The following PITPNM2 variants were observed in gnomAD, a reference collection of about 807,000 sequenced individuals.
PITPNM2 encodes phosphatidylinositol transfer protein membrane associated 2.
A neutral mutation model predicts 132.2 loss-of-function variants in PITPNM2; 35 were observed. The observed-to-expected ratio is 0.26, with a 90% CI of 0.20 to 0.35. The LOEUF (loss-of-function observed/expected upper bound fraction) is 0.35. Among genes scored for constraint, PITPNM2 ranks in the 10% least tolerant of loss-of-function variants. PITPNM2 has a pLI of 1.00. For missense variants in PITPNM2, 1,332 were observed against 1,912.0 expected, an observed-to-expected ratio of 0.70 and a Z score of 5.66; for synonymous variants, 738 against 799.2, an observed-to-expected ratio of 0.92 and a Z score of 1.29.
At chr12:123,043,470 C>T (rs1029629376) in intron 2 of PITPNM2, among the ~76,000 whole-genome samples, 2 of 152,142 alleles carry the variant, frequency 1.3e-5, no homozygotes, top group South Asian at 4.1e-4. Flanking sequence ...AAGAGGGGGT[C>T]CCAGAGAGCT....
chr12:123,129,890 C>A (rs1450426076), intron 1 of PITPNM2, among the ~76,000 whole-genome samples: 4 of 151,318 alleles, frequency 2.6e-5, no homozygotes, highest in Non-Finnish European at 1.5e-5. Flanking sequence ...CAGGCTAGTA[C>A]TTGTGAATTT....
intron 1 of PITPNM2, among the ~76,000 whole-genome samples, chr12:123,136,421 A>AT (rs2137607883): frequency 6.6e-6 from 1 of 152,282 alleles, no homozygotes; most frequent in South Asian, 2.1e-4. Context: ...CTCAGTCTCA[A>AT]TCCCTGTGGC....
At chr12:123,093,513 C>T (rs982732940) in intron 2 of PITPNM2, among the ~76,000 whole-genome samples, 1 of 152,042 alleles carries the variant, frequency 6.6e-6, no homozygotes, top group Non-Finnish European at 1.5e-5. Context: ...TTGAAATAAT[C>T]ATCTGTAATC....
At position 122,987,364 on chromosome 12, in the gene PITPNM2, G is replaced by A; in HGVS notation, c.3330C>T (p.Phe1110=). Residue 1110 remains phenylalanine (F), a synonymous_variant, in exon 23 of 26, where the codon TTC becomes TTT. Coordinates refer to ENST00000320201, the MANE Select transcript of PITPNM2 (RefSeq NM_020845.3). ...TAGCGGCAAAGGAACCGTCGATGCTGAAGACCACGAACTCTGTGCCCTTGG... is the reference window on the plus strand; with the variant it reads ...TAGCGGCAAAGGAACCGTCGATGCTAAAGACCACGAACTCTGTGCCCTTGG... ...VLPKGTEFVV[F]SIDGSFAASV... 12 of 1,613,480 alleles carry A rather than the reference G, an allele frequency of 7.4e-6. No individual in the cohort carries two copies. The highest frequency in any genetic ancestry group is 1.0e-5 in the Non-Finnish European group (12 of 1,180,034).
chr12:123,012,546 G>A, intron 5 of PITPNM2, 67 bp downstream of exon 5: 1 of 1,580,260 alleles, frequency 6.3e-7, no homozygotes, highest in Non-Finnish European at 8.7e-7. Flanking sequence ...AAAGGGGCAG[G>A]ACAAGAGGGA....
chr12:123,095,667 A>G lies in PITPNM2; in HGVS notation c.-96+14718T>C, dbSNP rs1284603147. Among the ~76,000 whole-genome samples the G allele has an allele frequency of 3.9e-5, 6 of 152,188 alleles. No individual in the cohort carries two copies. In the South Asian group the frequency reaches 6.2e-4, roughly 16 times the overall value. ...CCTTAACTAGGGCACGAGGCCCCCA[A>G]CCTGGTCCTCCCTGCAGCTCAGCCC... On this transcript the variant is annotated intron_variant, in intron 2 of 25. Transcript: ENST00000320201. This position sits in a 1 kb window ranked among gnomAD's most constrained non-coding sequence, Gnocchi z 5.0.
Position 123,016,323 on chromosome 12 carries a change from CT to C in PITPNM2, c.79-2282del, listed in dbSNP as rs1192588654. On this transcript the variant is annotated intron_variant, in intron 3 of 25. Coordinates refer to ENST00000320201, the MANE Select transcript of PITPNM2 (RefSeq NM_020845.3). ...CCTGGGTGACAGAGCAAGATTCTGT[CT>C]TTTTTTTTTTGATATGAAATCTCGC... is the stretch of plus-strand genomic sequence containing the variant. 8.1e-4 allele frequency among the ~76,000 whole-genome samples: 114 copies of C among 141,550 alleles called. 1 individual carries two copies. The highest frequency in any genetic ancestry group is 4.8e-4 in the Non-Finnish European group (31 of 64,324). 92.9% of individuals were successfully genotyped at this position (141,550 alleles called of 152,430 possible).
intron 18 of PITPNM2, among the ~76,000 whole-genome samples, chr12:122,989,528 C>G (rs1476260646): frequency 6.6e-6 from 1 of 152,110 alleles, no homozygotes; most frequent in South Asian, 2.1e-4. Flanking sequence ...CCAGGCTTCC[C>G]TAGGTTCTGC....
At chr12:123,072,678 C>T (rs1327933726) in intron 2 of PITPNM2, among the ~76,000 whole-genome samples, 2 of 152,234 alleles carry the variant, frequency 1.3e-5, no homozygotes, top group East Asian at 1.9e-4. Context: ...CTGTCAACAG[C>T]TGCTCAAGGT....
chr12:122,986,062 G>A lies in PITPNM2; in HGVS notation c.4015C>T (p.Arg1339Cys), dbSNP rs993650230. 5 of 1,415,454 alleles carry A rather than the reference G, an allele frequency of 3.5e-6. No individual in the cohort carries two copies. The highest frequency in any genetic ancestry group is 5.9e-5 in the East Asian group (2 of 34,096). The allele number at this position is 1,415,454 out of a possible 1,614,324, so 87.7% of individuals were successfully genotyped here. A position where few individuals can be genotyped will look rare whatever the true frequency, so the allele number is the denominator to read the frequency against. The change falls in exon 26 of 26, where the codon CGC becomes TGC. Residue 1339 changes from arginine to cysteine, a missense_variant. Coordinates refer to ENST00000320201, the MANE Select transcript of PITPNM2 (RefSeq NM_020845.3). ...AGCWGRAMTG[R>C]LEPGAAAGPK ...CCCGCGGCTGCCCCCGGCTCCAGGCGGCCAGTCATGGCGCGGCCCCAGCAG... is the reference window on the plus strand; with the variant it reads ...CCCGCGGCTGCCCCCGGCTCCAGGCAGCCAGTCATGGCGCGGCCCCAGCAG...
At position 123,036,959 on chromosome 12, in the gene PITPNM2, G is replaced by A. The variant is rs1452217412; in HGVS notation, c.-95-2274C>T. ...AAAGACCATTGCTGACCTTCTTCAA[G>A]GTCAATGGGTCTAGCTAACAGCCCA... On this transcript the variant is annotated intron_variant, in intron 2 of 25. Transcript: ENST00000320201. This position sits in a 1 kb window ranked among gnomAD's most constrained non-coding sequence, Gnocchi z 4.1. Among the ~76,000 whole-genome samples the A allele has an allele frequency of 1.3e-5, 2 of 152,232 alleles. No homozygotes were observed. The highest frequency in any genetic ancestry group is 2.9e-5 in the Non-Finnish European group (2 of 68,048).
intron 2 of PITPNM2, among the ~76,000 whole-genome samples, chr12:123,071,593 T>C (rs2041622929): frequency 6.6e-6 from 1 of 152,160 alleles, no homozygotes; most frequent in Non-Finnish European, 1.5e-5. Context: ...TTTGGGAGCA[T>C]GAAAAGCAGC....
intron 2 of PITPNM2, 47 bp from the exon 3 acceptor site, chr12:123,034,732 C>G (rs1449073881): frequency 5.7e-6 from 4 of 700,376 alleles, no homozygotes; most frequent in Non-Finnish European, 1.0e-5. Flanking sequence ...TCTGCAAAGG[C>G]TGGTGAATAC....
At position 122,985,970 on chromosome 12, in the gene PITPNM2, C is replaced by A; in HGVS notation, c.*57G>T. On this transcript the variant is annotated 3_prime_UTR_variant, in exon 26 of 26. Transcript: ENST00000320201. ...CGTGTGCCCAGGCCAGGCCTCCTGG[C>A]GGGGCTGGCCACCCTGGCCTAGCAC... The A allele has an allele frequency of 7.5e-7, 1 of 1,340,772 alleles. No individual in the cohort carries two copies. Among genetic ancestry groups the A allele is most frequent in the Non-Finnish European group, 9.6e-7 (1 of 1,047,016 alleles). 83.1% of individuals were successfully genotyped at this position (1,340,772 alleles called of 1,614,324 possible). A position where few individuals can be genotyped will look rare whatever the true frequency, so the allele number is the denominator to read the frequency against.
intron 1 of PITPNM2, among the ~76,000 whole-genome samples, chr12:123,135,441 A>G (rs1016173613): frequency 6.6e-6 from 1 of 152,142 alleles, no homozygotes; most frequent in African/African-American, 2.4e-5. Flanking sequence ...TATAAGTACA[A>G]TGTTGTATAG....
rs980443870 is a variant in PITPNM2 at position 123,077,313 on chromosome 12, G to A, written c.-96+33072C>T. ...CACCCCTTGTTATCAGGGGTGGAGA[G>A]GGACAAAACATTTCCTCACTGAACT... On this transcript the variant is annotated intron_variant, in intron 2 of 25. Coordinates refer to ENST00000320201, the MANE Select transcript of PITPNM2 (RefSeq NM_020845.3). The surrounding 1 kb of genome is among the most constrained non-coding windows in gnomAD (Gnocchi z 4.8). Among the ~76,000 whole-genome samples, 2 of 152,134 alleles carry A rather than the reference G, an allele frequency of 1.3e-5. No homozygotes were observed. The highest frequency in any genetic ancestry group is 4.8e-5 in the African/African-American group (2 of 41,420).
At position 123,009,749 on chromosome 12, in the gene PITPNM2, TC is replaced by T; in HGVS notation, c.643+100del. 4 of 1,156,488 alleles carry T rather than the reference TC, an allele frequency of 3.5e-6. No homozygotes were observed. The highest frequency in any genetic ancestry group is 3.8e-6 in the Non-Finnish European group (3 of 782,878). The allele number at this position is 1,156,488 out of a possible 1,614,324, so 71.6% of individuals were successfully genotyped here. A position where few individuals can be genotyped will look rare whatever the true frequency, so the allele number is the denominator to read the frequency against. ...CCCAGAACAAAACAGAAACGCAGAC[TC>T]CCAGGCAGACATGCAAAGAGAGGAG... On this transcript the variant is annotated intron_variant, in intron 6 of 25. Coordinates refer to ENST00000320201, the MANE Select transcript of PITPNM2 (RefSeq NM_020845.3). The surrounding 1 kb of genome is among the most constrained non-coding windows in gnomAD (Gnocchi z 4.8).
chr12:123,019,248 TC>T (rs1222910599), intron 3 of PITPNM2, among the ~76,000 whole-genome samples: 1 of 152,176 alleles, frequency 6.6e-6, no homozygotes, highest in Non-Finnish European at 1.5e-5. Flanking sequence ...TATTTCAAAA[TC>T]CCGTGGGTCA....
At chr12:123,136,161 G>A (rs749220514) in intron 1 of PITPNM2, among the ~76,000 whole-genome samples, 1 of 151,956 alleles carries the variant, frequency 6.6e-6, no homozygotes, top group Non-Finnish European at 1.5e-5. Context: ...AATTAGCCAG[G>A]TGTGGTGGCA....
Sources: allele counts gnomAD v4.1 joint callset (sites outside exome capture counted in the v4.1 genomes callset), GRCh38; gene constraint gnomAD v4.1.1; non-coding constraint Gnocchi (gnomAD v3.1); transcripts MANE v1.5; gene names NCBI Gene and HGNC (gene_info 2026-07-23, HGNC 2026-07-21).